Variants in PKIB observed in about 807,000 individuals in gnomAD.
PKIB encodes PKI-beta.
A neutral mutation model predicts 4.5 loss-of-function variants in PKIB; 2 were observed. The observed-to-expected ratio is 0.44, with a 90% CI of 0.18 to 1.39. The LOEUF (loss-of-function observed/expected upper bound fraction) is 1.39, where lower values mean the gene tolerates loss of function less well. PKIB is among the 40% of genes most tolerant of loss of function. PKIB has a pLI of 0.27. For synonymous variants in PKIB, 38 were observed against 36.0 expected (o/e 1.06, Z -0.20); for missense variants, 94 against 92.6 (o/e 1.02, Z -0.06).
intron 2 of PKIB, among the ~76,000 whole-genome samples, chr6:122,501,986 C>G (rs1266602793): frequency 9.1e-6 from 1 of 109,624 alleles, no homozygotes; most frequent in Non-Finnish European, 1.9e-5. Flanking sequence ...GAGTTTTGCT[C>G]TTGTTTCCCA....
intron 3 of PKIB, chr6:122,701,451 A>G (rs1335490780): frequency 1.3e-6 from 2 of 1,584,410 alleles, no homozygotes; most frequent in South Asian, 2.3e-5. Context: ...CTGAAGCTTC[A>G]GAGATCACCT....
At chr6:122,682,353 A>G (rs1242275561) in intron 3 of PKIB, among the ~76,000 whole-genome samples, 2 of 152,294 alleles carry the variant, frequency 1.3e-5, no homozygotes, top group East Asian at 3.9e-4. Flanking sequence ...TAGAATTATT[A>G]GAGGAGTCCA....
chr6:122,659,981 TGCA>T (rs1337175000), intron 2 of PKIB, among the ~76,000 whole-genome samples: 3 of 152,206 alleles, frequency 2.0e-5, no homozygotes, highest in African/African-American at 7.2e-5. Context: ...ATTTATCCAG[TGCA>T]GCATGATATT....
At chr6:122,604,902 T>C (rs1474997832) in intron 3 of PKIB, among the ~76,000 whole-genome samples, 1 of 152,350 alleles carries the variant, frequency 6.6e-6, no homozygotes, top group East Asian at 1.9e-4. Flanking sequence ...GAAATTTCTA[T>C]TTTAAATACT....
chr6:122,614,210 T>G (rs1336615827), intron 1 of PKIB, among the ~76,000 whole-genome samples: 1 of 152,074 alleles, frequency 6.6e-6, no homozygotes, highest in African/African-American at 2.4e-5. Flanking sequence ...CAATCTAGAT[T>G]TGCATAATTT....
At chr6:122,537,005 C>T (rs1777426087) in intron 2 of PKIB, among the ~76,000 whole-genome samples, 1 of 151,020 alleles carries the variant, frequency 6.6e-6, no homozygotes, top group African/African-American at 2.4e-5. Context: ...TAGAGGGGGC[C>T]ATATAAGATC....
chr6:122,724,909 ACTGT>A (rs1779896436), intron 4 of PKIB, among the ~76,000 whole-genome samples: 1 of 152,108 alleles, frequency 6.6e-6, no homozygotes, highest in South Asian at 2.1e-4. Context: ...ACCCTAGAAG[ACTGT>A]CTGGCACTTC....
chr6:122,608,184 T>A (rs1227965416), upstream of PKIB, among the ~76,000 whole-genome samples: 1 of 152,238 alleles, frequency 6.6e-6, no homozygotes, highest in East Asian at 1.9e-4. Flanking sequence ...GGATTTGTAG[T>A]TCTTGGACTC....
intron 3 of PKIB, among the ~76,000 whole-genome samples, chr6:122,680,567 C>T (rs1258603646): frequency 6.6e-6 from 1 of 152,072 alleles, no homozygotes; most frequent in African/African-American, 2.4e-5. Context: ...CTGCGACCTG[C>T]CTTGGGGAAG....
rs1244319718 is a variant in PKIB, at chr6:122,704,191, C to T, written c.-8-13596C>T. On this transcript the variant is annotated intron_variant, in intron 3 of 4. Transcript: ENST00000368452. ...AGAAAGAAATTCTCCTTCTCTCTAT[C>T]TTTTTATTCCATTCAGGACTTCAAT... is the stretch of plus-strand genomic sequence containing the variant. 2.6e-5 allele frequency among the ~76,000 whole-genome samples: 4 copies of T among 152,174 alleles called. No homozygotes were observed. In the East Asian group the frequency reaches 7.7e-4, roughly 29 times the overall value.
intron 2 of PKIB, among the ~76,000 whole-genome samples, chr6:122,494,939 G>A (rs1465561169): frequency 2.6e-5 from 4 of 152,218 alleles, no homozygotes; most frequent in Non-Finnish European, 4.4e-5. Context: ...AGAGCCACCT[G>A]GAGTCTTTGC....
At chr6:122,548,672 G>T (rs1165537943) in intron 2 of PKIB, among the ~76,000 whole-genome samples, 2 of 152,062 alleles carry the variant, frequency 1.3e-5, no homozygotes, top group East Asian at 3.9e-4. Flanking sequence ...AGCACACAAT[G>T]ACTAAATGGG....
chr6:122,503,992 C>G (rs1363009199), intron 2 of PKIB, among the ~76,000 whole-genome samples: 1 of 152,106 alleles, frequency 6.6e-6, no homozygotes, highest in African/African-American at 2.4e-5. Flanking sequence ...AAAGTTTCCC[C>G]AAGGATTTTC....
chr6:122,701,875 A>G (rs2115028835), intron 3 of PKIB, among the ~76,000 whole-genome samples: 1 of 152,300 alleles, frequency 6.6e-6, no homozygotes, highest in South Asian at 2.1e-4. Flanking sequence ...AAGGAGAAGA[A>G]CATTGCAGGG....
chr6:122,599,608 T>C (rs1774291349), intron 3 of PKIB, among the ~76,000 whole-genome samples: 1 of 152,184 alleles, frequency 6.6e-6, no homozygotes, highest in Non-Finnish European at 1.5e-5. Context: ...CTTTCATCAC[T>C]TTGTCCACTG....
intron 1 of PKIB, among the ~76,000 whole-genome samples, chr6:122,628,896 G>C (rs1775576877): frequency 6.6e-6 from 1 of 152,126 alleles, no homozygotes; most frequent in Admixed American, 6.5e-5. Context: ...ACCTAGTGTT[G>C]TTTGTGTATA....
At chr6:122,713,717 G>A (rs1426014500) in intron 3 of PKIB, among the ~76,000 whole-genome samples, 1 of 151,960 alleles carries the variant, frequency 6.6e-6, no homozygotes, top group Non-Finnish European at 1.5e-5. Flanking sequence ...TTTTCCAGGT[G>A]GATTTTTCAA....
intron 2 of PKIB, among the ~76,000 whole-genome samples, chr6:122,502,255 A>C (rs774285522): frequency 1.3e-5 from 2 of 151,998 alleles, no homozygotes; most frequent in Non-Finnish European, 2.9e-5. Flanking sequence ...TGCCCATTAC[A>C]TAGTTCCAAA....
chr6:122,540,483 G>C (rs1173076636), intron 2 of PKIB, among the ~76,000 whole-genome samples: 1 of 152,032 alleles, frequency 6.6e-6, no homozygotes, highest in Non-Finnish European at 1.5e-5. Flanking sequence ...CCATGTAGTT[G>C]AGTGGTTTTG....
Sources: allele counts gnomAD v4.1 joint callset (sites outside exome capture counted in the v4.1 genomes callset), GRCh38; gene constraint gnomAD v4.1.1; transcripts MANE v1.5; gene names NCBI Gene and HGNC (gene_info 2026-07-23, HGNC 2026-07-21).